Variants in IL1RAPL2 observed in about 807,000 individuals in gnomAD.
IL1RAPL2 encodes the protein X-linked interleukin-1 receptor accessory protein-like 2.
Under a neutral mutation model 44.1 loss-of-function variants are expected in IL1RAPL2, and 3 were observed. The observed-to-expected ratio is 0.07, with a 90% CI of 0.03 to 0.18. The LOEUF is 0.18. IL1RAPL2 is among the 10% of genes least tolerant of loss of function. The probability of loss-of-function intolerance (pLI) is 1.00; values close to 1 mark genes in which losing one functional copy is unlikely to be tolerated. For synonymous variants in IL1RAPL2, 181 were observed against 178.8 expected, an observed-to-expected ratio of 1.01 and a Z score of -0.10; for missense variants, 391 against 496.4, an observed-to-expected ratio of 0.79 and a Z score of 2.02.
At chrX:104,613,429 G>GGTTTTT (rs1929205609) in intron 1 of IL1RAPL2, among the ~76,000 whole-genome samples, 1 of 111,533 alleles carries the variant, frequency 9.0e-6, no homozygotes, top group Admixed American at 9.5e-5. Flanking sequence ...ATGATCATAT[G>GGTTTTT]GTTTTTGTTT....
chrX:104,888,314 G>A (rs1307148776), intron 2 of IL1RAPL2, among the ~76,000 whole-genome samples: 4 of 105,631 alleles, frequency 3.8e-5, no homozygotes, highest in African/African-American at 1.1e-4. Flanking sequence ...GAGACAAAGA[G>A]GGAGTCAGAG....
intron 2 of IL1RAPL2, among the ~76,000 whole-genome samples, chrX:104,758,192 T>G (rs1384998821): frequency 2.7e-5 from 3 of 111,702 alleles, no homozygotes; most frequent in Non-Finnish European, 5.7e-5. Context: ...TGTGACATTC[T>G]TTTCCCTGAA....
chrX:104,601,132 CTTTTT>C (rs770554025), intron 1 of IL1RAPL2, among the ~76,000 whole-genome samples: 48 of 110,503 alleles, frequency 4.3e-4, no homozygotes, highest in Non-Finnish European at 7.8e-4. Context: ...GAGCAATTTT[CTTTTT>C]TTTTATTATA....
rs147850675 is a variant in IL1RAPL2, at chrX:104,780,027, T to C, written c.82+121032T>C. 1.0e-2 allele frequency among the ~76,000 whole-genome samples: 1,113 copies of C among 111,692 alleles called. 37 individuals carry two copies. The highest frequency in any genetic ancestry group is 0.075 in the Admixed American group (787 of 10,470). On this transcript the variant is annotated intron_variant, in intron 2 of 10. Coordinates refer to ENST00000372582, the MANE Select transcript of IL1RAPL2 (RefSeq NM_017416.2). The stretch of plus-strand genomic sequence containing the variant: ...AATGTGAAAGAAGACTAAATGAAAT[T>C]GATAAAAATGATTTTTTCATTTCAA...
chrX:105,236,262 A>G (rs1450852636), intron 4 of IL1RAPL2, among the ~76,000 whole-genome samples: 2 of 112,100 alleles, frequency 1.8e-5, no homozygotes, highest in African/African-American at 6.5e-5. Flanking sequence ...ATACTCAAGC[A>G]ATTTACTGCT....
chrX:104,914,964 A>G (rs762269626), intron 2 of IL1RAPL2, among the ~76,000 whole-genome samples: 1 of 111,641 alleles, frequency 9.0e-6, no homozygotes, highest in South Asian at 3.8e-4. Context: ...CCAGTCTATC[A>G]TAGTTGGACA....
intron 5 of IL1RAPL2, among the ~76,000 whole-genome samples, chrX:105,283,377 G>C (rs1485028356): frequency 9.0e-6 from 1 of 111,521 alleles, no homozygotes; most frequent in African/African-American, 3.3e-5. Flanking sequence ...GACCCTGATG[G>C]TTAAGAAAAA....
intron 2 of IL1RAPL2, among the ~76,000 whole-genome samples, chrX:104,770,209 CT>C (rs1325442629): frequency 3.6e-5 from 4 of 111,065 alleles, no homozygotes; most frequent in Admixed American, 9.6e-5. Flanking sequence ...AATCTTAGCC[CT>C]TTTTTCCACA....
intron 2 of IL1RAPL2, among the ~76,000 whole-genome samples, chrX:104,905,963 A>G (rs1425582307): frequency 1.8e-5 from 2 of 109,474 alleles, no homozygotes; most frequent in Admixed American, 9.8e-5. Context: ...ATTTGTTTGT[A>G]TCCTCTTTTA....
chrX:104,731,948 A>C (rs1159893730), intron 2 of IL1RAPL2, among the ~76,000 whole-genome samples: 5 of 112,160 alleles, frequency 4.5e-5, no homozygotes, highest in African/African-American at 1.6e-4. Flanking sequence ...AAAATACCCC[A>C]AAGCCTCTAT....
intron 3 of IL1RAPL2, among the ~76,000 whole-genome samples, chrX:105,233,592 T>G (rs2034093254): frequency 8.9e-6 from 1 of 112,297 alleles, no homozygotes; most frequent in Admixed American, 9.5e-5. Flanking sequence ...ATAGCTTCTC[T>G]ATGTAGCTCT....
chrX:104,669,513 C>G lies in IL1RAPL2; in HGVS notation c.82+10518C>G, dbSNP rs139372531. Among the ~76,000 whole-genome samples the G allele has an allele frequency of 4.0e-3, 442 of 111,662 alleles. 5 individuals carry two copies. Among genetic ancestry groups the G allele is most frequent in the Middle Eastern group, 0.028 (6 of 216 alleles). ...AAAGTTTCTACTCCCTTGGTATTAA[C>G]TATCTACCCTCTTGGTGCTTCTCAG... is the stretch of plus-strand genomic sequence containing the variant. On this transcript the variant is annotated intron_variant, in intron 2 of 10. Coordinates refer to ENST00000372582, the MANE Select transcript of IL1RAPL2 (RefSeq NM_017416.2).
At chrX:105,644,740 A>G (rs1379508831) in intron 6 of IL1RAPL2, among the ~76,000 whole-genome samples, 1 of 110,668 alleles carries the variant, frequency 9.0e-6, no homozygotes, top group Non-Finnish European at 1.9e-5. Context: ...TATTTCTCCT[A>G]ATGCTATCCC....
In IL1RAPL2 at chrX:105,205,741, A is replaced by G. The variant is rs140357806; in HGVS notation, c.356+9993A>G. ...CAGATGCTGTTGCATATTGTGGACCAGAATAAAAAGTTGATTTTTAAATTA... is the reference window on the plus strand; with the variant it reads ...CAGATGCTGTTGCATATTGTGGACCGGAATAAAAAGTTGATTTTTAAATTA... On this transcript the variant is annotated intron_variant, in intron 3 of 10. Transcript: ENST00000372582. Among the ~76,000 whole-genome samples, 782 of 106,592 alleles carry G rather than the reference A, an allele frequency of 7.3e-3. 8 individuals are homozygous for G. The highest frequency in any genetic ancestry group is 0.026 in the African/African-American group (753 of 29,317). The allele number at this position is 106,592 out of a possible 115,157, so 92.6% of individuals were successfully genotyped here.
At chrX:105,523,452 T>A (rs1461611738) in intron 6 of IL1RAPL2, among the ~76,000 whole-genome samples, 1 of 111,588 alleles carries the variant, frequency 9.0e-6, no homozygotes, top group Non-Finnish European at 1.9e-5. Context: ...TGGTACATAC[T>A]AAGTGTTCAA....
chrX:105,157,891 T>C (rs768479021), intron 2 of IL1RAPL2, among the ~76,000 whole-genome samples: 1 of 112,308 alleles, frequency 8.9e-6, no homozygotes, highest in Non-Finnish European at 1.9e-5. Context: ...GCTGTTATTA[T>C]TTATCTTTAG....
intron 5 of IL1RAPL2, among the ~76,000 whole-genome samples, chrX:105,431,561 T>A (rs1371953523): frequency 1.3e-4 from 15 of 111,545 alleles, no homozygotes; most frequent in Admixed American, 3.8e-4. Context: ...AGTTTGTTTA[T>A]TTTTAACCAA....
rs758332266 is a variant in IL1RAPL2 at position 105,426,651 on chromosome X, G to GA, written c.698-57662_698-57661insA. Among the ~76,000 whole-genome samples the GA allele has an allele frequency of 1.6e-4, 17 of 106,414 alleles. No homozygotes were observed. The South Asian group carries it at 6.7e-3, about 42-fold the overall frequency. 92.4% of individuals were successfully genotyped at this position (106,414 alleles called of 115,157 possible). A position where few individuals can be genotyped will look rare whatever the true frequency, so the allele number is the denominator to read the frequency against. ...TTATATTCATAACGACTGGGATTAT[G>GA]TTTTTTTTTTCTTAACTCTGTATCC... On this transcript the variant is annotated intron_variant, in intron 5 of 10. Coordinates refer to ENST00000372582, the MANE Select transcript of IL1RAPL2 (RefSeq NM_017416.2).
chrX:104,712,179 CTGTT>C (rs201020977), intron 2 of IL1RAPL2, among the ~76,000 whole-genome samples: 2,310 of 111,047 alleles, frequency 0.021, 33 homozygotes, highest in Non-Finnish European at 0.032. Flanking sequence ...TTGTCATTAA[CTGTT>C]TGATTGTTCC....
Sources: gnomAD v4.1 joint callset for allele counts (sites outside exome capture counted in the v4.1 genomes callset) on GRCh38, gnomAD v4.1.1 for gene constraint, MANE v1.5 for transcripts, NCBI Gene and HGNC (gene_info 2026-07-23, HGNC 2026-07-21) for gene names.